The following LRIT3 variants were observed in gnomAD, a reference collection of about 807,000 sequenced individuals.
The protein encoded by LRIT3 is leucine rich repeat, Ig-like and transmembrane domains 3.
LRIT3 carries 14 observed loss-of-function variants against 22.6 expected under a neutral mutation model. The ratio of observed to expected loss-of-function variants is 0.62; its 90% CI spans 0.41 to 0.97. The LOEUF (loss-of-function observed/expected upper bound fraction) is 0.97. LRIT3 is among the 50% of genes least tolerant of loss of function. The pLI is 0.00. For missense variants in LRIT3, 783 were observed against 803.0 expected (o/e 0.98, Z 0.30); for synonymous variants, 306 against 304.5 (o/e 1.01, Z -0.05).
At chr4:109,861,233 G>C (rs1026464453) in intron 2 of LRIT3, among the ~76,000 whole-genome samples, 1 of 151,924 alleles carries the variant, frequency 6.6e-6, no homozygotes, top group Non-Finnish European at 1.5e-5. Flanking sequence ...AGCCAGGTGT[G>C]GTGGTGCATG....
chr4:109,868,072 G>T, intron 3 of LRIT3, 126 bp downstream of exon 3: 1 of 1,010,408 alleles, frequency 9.9e-7, no homozygotes, highest in Non-Finnish European at 1.4e-6. Context: ...TTGGGTGCAA[G>T]GGATTTTAAA....
rs1252781528 is a variant in LRIT3 at position 109,851,768 on chromosome 4, C to T, written c.381C>T (p.Asp127=). ...CTTTCCCTTGGGCATCTCTGCTGGA[C>T]ATGCCCCTTCTGAGGACCCTGGACT... ...LAAFPWASLL[D]MPLLRTLDLH... is the part of the protein sequence containing the mutation. Residue 127 remains aspartate, a synonymous_variant, in exon 2 of 4, where the codon GAC becomes GAT. Transcript: ENST00000594814. 1.9e-6 allele frequency: 3 copies of T among 1,551,776 alleles called. No individual in the cohort carries two copies. The highest frequency in any genetic ancestry group is 2.4e-5 in the South Asian group (2 of 84,060).
Position 109,867,379 on chromosome 4 carries a change from G to A in LRIT3, c.590-262G>A, listed in dbSNP as rs138965965. On this transcript the variant is annotated intron_variant, in intron 2 of 3. Coordinates refer to ENST00000594814, the MANE Select transcript of LRIT3 (RefSeq NM_198506.5). ...AGATTACATGTGATAATACAGGTAA[G>A]TGCTTAGTACATAATCTAGCACAGA... Among the ~76,000 whole-genome samples, 632 of 152,200 alleles carry A rather than the reference G, an allele frequency of 4.2e-3. 1 individual carries two copies. The highest frequency in any genetic ancestry group is 7.3e-3 in the Non-Finnish European group (498 of 68,014).
At chr4:109,857,896 A>G (rs1734441342) in intron 2 of LRIT3, among the ~76,000 whole-genome samples, 1 of 152,216 alleles carries the variant, frequency 6.6e-6, no homozygotes, top group Admixed American at 6.5e-5. Context: ...ATAATCAGCG[A>G]TTCCTATTTT....
At position 109,869,704 on chromosome 4, in the gene LRIT3, T is replaced by A; in HGVS notation, c.955T>A (p.Ser319Thr). 1 of 1,600,876 alleles carries A rather than the reference T, an allele frequency of 6.2e-7. No individual in the cohort carries two copies. Among genetic ancestry groups the A allele is most frequent in the South Asian group, 1.1e-5 (1 of 88,254 alleles). The change falls in exon 4 of 4, where the codon TCT becomes ACT. Residue 319 changes from serine to threonine, a missense_variant. Ser to Thr is a moderately conservative substitution (Grantham distance 58, BLOSUM62 1). Around this residue, in one of 2 missense-constraint regions of LRIT3, gnomAD observed 756 missense variants for 753.8 expected, o/e 1.00. Transcript: ENST00000594814. ...RWSIMSLTGISSKDAGDYKCK... is the reference protein window; with the variant it reads ...RWSIMSLTGITSKDAGDYKCK... ...GTCCATAATGAGCTTGACAGGCATT[T>A]CTTCCAAAGACGCTGGGGATTACAA...
At chr4:109,850,424 T>TTTCTTTCTTTCTTTCC (rs1734208578) in intron 1 of LRIT3, among the ~76,000 whole-genome samples, 1 of 22,366 alleles carries the variant, frequency 4.5e-5, no homozygotes, top group East Asian at 2.0e-3. Context: ...CCTTCCTTCC[T>TTTCTTTCTTTCTTTCC]TTCTTTCTTT....
intron 2 of LRIT3, chr4:109,865,046 A>C: frequency 7.1e-7 from 1 of 1,400,628 alleles, no homozygotes; most frequent in East Asian, 2.6e-5. Flanking sequence ...CTGAGTGATG[A>C]TGGATTTTAG....
intron 2 of LRIT3, among the ~76,000 whole-genome samples, chr4:109,855,518 G>GT (rs1174622282): frequency 5.3e-5 from 8 of 152,252 alleles, no homozygotes; most frequent in South Asian, 2.1e-4. Flanking sequence ...ATTTTGAAGG[G>GT]TTTTTTCTGT....
Position 109,870,957 on chromosome 4 carries a change from A to G in LRIT3, c.*168A>G. ...ACCATGAGACCTCTGAACTGAAAAG[A>G]CAAATAATGTTGATTTTTTTTCTTG... On this transcript the variant is annotated 3_prime_UTR_variant, in exon 4 of 4. Transcript: ENST00000594814. The G allele has an allele frequency of 1.7e-6, 1 of 589,326 alleles. No homozygotes were observed. Among genetic ancestry groups the G allele is most frequent in the Non-Finnish European group, 2.6e-6 (1 of 380,864 alleles). The allele number at this position is 589,326 out of a possible 1,614,324, so 36.5% of individuals were successfully genotyped here.
At position 109,870,529 on chromosome 4, in the gene LRIT3, G is replaced by A; in HGVS notation, c.1780G>A (p.Val594Ile). 1 of 1,614,200 alleles carries A rather than the reference G, an allele frequency of 6.2e-7. No individual in the cohort carries two copies. The highest frequency in any genetic ancestry group is 2.2e-5 in the East Asian group (1 of 44,888). The change falls in exon 4 of 4, where the codon GTT (valine) becomes ATT (isoleucine). Residue 594 changes from valine to isoleucine, a missense_variant. Transcript: ENST00000594814. ...CGTGGTGACCAGTACTGCCTGTGTT[G>A]TTATCTTACCATTGATTTGTTTCTT... ...LLVVTSTACV[V>I]ILPLICFLLY...
Position 109,848,110 on chromosome 4 carries a change from A to G in LRIT3, c.-92A>G, listed in dbSNP as rs1247824880. On this transcript the variant is annotated 5_prime_UTR_variant, in exon 1 of 4. Coordinates refer to ENST00000594814, the MANE Select transcript of LRIT3 (RefSeq NM_198506.5). ...AGCTAATCCCGTGTAATCTGCTGTT[A>G]CTAAATGGCTGTTTGTATTCCAGGC... 3.3e-5 allele frequency: 17 copies of G among 509,466 alleles called. No homozygotes were observed. The highest frequency in any genetic ancestry group is 1.4e-4 in the East Asian group (4 of 28,368). 31.6% of individuals were successfully genotyped at this position (509,466 alleles called of 1,614,324 possible). A position where few individuals can be genotyped will look rare whatever the true frequency, so the allele number is the denominator to read the frequency against.
intron 2 of LRIT3, among the ~76,000 whole-genome samples, chr4:109,866,078 AC>A (rs1393659039): frequency 6.6e-6 from 1 of 152,146 alleles, no homozygotes; most frequent in Non-Finnish European, 1.5e-5. Context: ...GAAAAAGTAA[AC>A]TTTTACCAAT....
chr4:109,855,845 T>C (rs984786772), intron 2 of LRIT3, among the ~76,000 whole-genome samples: 3 of 152,084 alleles, frequency 2.0e-5, no homozygotes, highest in South Asian at 2.1e-4. Flanking sequence ...TGTAGTTGAG[T>C]GGTTTTGAGT....
In LRIT3 at chr4:109,851,839, A is replaced by C. The variant is rs777379281; in HGVS notation, c.452A>C (p.Tyr151Ser). 5 of 1,551,740 alleles carry C rather than the reference A, an allele frequency of 3.2e-6. No individual in the cohort carries two copies. The highest frequency in any genetic ancestry group is 4.4e-6 in the Non-Finnish European group (5 of 1,147,006). The change falls in exon 2 of 4, where the codon TAT (tyrosine) becomes TCT (serine). Residue 151 changes from tyrosine to serine, a missense_variant. Coordinates refer to ENST00000594814, the MANE Select transcript of LRIT3 (RefSeq NM_198506.5). ...ITSVPNEALR[Y>S]LKNLAYLDLS... ...AGTGTGCCAAATGAGGCGCTCAGGT[A>C]TCTGAAGAACCTTGCCTACTTGGAT... is the stretch of plus-strand genomic sequence containing the variant.
chr4:109,861,738 C>A (rs1734550988), intron 2 of LRIT3, among the ~76,000 whole-genome samples: 1 of 152,002 alleles, frequency 6.6e-6, no homozygotes, highest in Non-Finnish European at 1.5e-5. Flanking sequence ...GGCTGACTTG[C>A]CTATTTATTT....
At chr4:109,856,330 C>T (rs1430373689) in intron 2 of LRIT3, among the ~76,000 whole-genome samples, 17 of 152,138 alleles carry the variant, frequency 1.1e-4, no homozygotes, top group Non-Finnish European at 2.9e-5. Context: ...CATAGCTTGG[C>T]GCTGATCATG....
chr4:109,858,850 G>T (rs1273867975), intron 2 of LRIT3, among the ~76,000 whole-genome samples: 1 of 152,130 alleles, frequency 6.6e-6, no homozygotes, highest in African/African-American at 2.4e-5. Context: ...TGTTTAATAT[G>T]CCACTGATCA....
At chr4:109,853,378 T>C (rs1402975938) in intron 2 of LRIT3, among the ~76,000 whole-genome samples, 1 of 152,232 alleles carries the variant, frequency 6.6e-6, no homozygotes, top group African/African-American at 2.4e-5. Flanking sequence ...TGCATAAATG[T>C]CTTCTTTTGA....
In LRIT3 at chr4:109,851,498, C is replaced by T; in HGVS notation, c.117-6C>T. 6.6e-7 allele frequency: 1 copy of T among 1,515,214 alleles called. No homozygotes were observed. Among genetic ancestry groups the T allele is most frequent in the Non-Finnish European group, 8.9e-7 (1 of 1,128,684 alleles). 93.9% of individuals were successfully genotyped at this position (1,515,214 alleles called of 1,614,324 possible). ...TTTCCTCACATTGTTCATGTTGTGA[C>T]ACTAGGTTGGTGCTATGTAATGACA... On this transcript the variant is annotated splice_region_variant and splice_polypyrimidine_tract_variant and intron_variant, in intron 1 of 3. Transcript: ENST00000594814.
Sources: gnomAD v4.1 joint callset for allele counts (sites outside exome capture counted in the v4.1 genomes callset) on GRCh38, gnomAD v4.1.1 for gene constraint, gnomAD v4.1.1 regional missense constraint, MANE v1.5 for transcripts, NCBI Gene and HGNC (gene_info 2026-07-23, HGNC 2026-07-21) for gene names.